The following ADK variants were observed in gnomAD, a reference collection of about 807,000 sequenced individuals.
ADK encodes the protein N6,N6-dimethyladenosine kinase.
Under a neutral mutation model 44.7 loss-of-function variants are expected in ADK, and 24 were observed. The observed-to-expected ratio is 0.54, with a 90% CI of 0.39 to 0.76. The LOEUF is 0.76. ADK is among the 30% of genes least tolerant of loss of function. The pLI is 0.00. For missense variants in ADK, 321 were observed against 425.1 expected (o/e 0.76, Z 2.15); for synonymous variants, 128 against 142.6 (o/e 0.90, Z 0.73).
At chr10:74,347,946 C>A (rs1037327168) in intron 4 of ADK, among the ~76,000 whole-genome samples, 1 of 152,158 alleles carries the variant, frequency 6.6e-6, no homozygotes, top group African/African-American at 2.4e-5. Flanking sequence ...CTCCCATCTC[C>A]CTGGGACAGA....
chr10:74,423,020 G>T (rs1844620249), intron 6 of ADK, among the ~76,000 whole-genome samples: 1 of 152,036 alleles, frequency 6.6e-6, no homozygotes, highest in Admixed American at 6.6e-5. Context: ...CGCCAAACAA[G>T]ATATGGATGT....
intron 6 of ADK, among the ~76,000 whole-genome samples, chr10:74,424,750 A>C (rs746523422): frequency 6.6e-6 from 1 of 151,924 alleles, no homozygotes; most frequent in Non-Finnish European, 1.5e-5. Context: ...ATTTCTTCAG[A>C]TCTATCTTCC....
At chr10:74,609,077 C>G (rs548877130) in intron 9 of ADK, among the ~76,000 whole-genome samples, 2 of 152,160 alleles carry the variant, frequency 1.3e-5, no homozygotes, top group African/African-American at 4.8e-5. Context: ...TAATGGCAGT[C>G]GCCCCTTCCC....
rs754598889 is a variant in ADK, at chr10:74,176,906, C to T, written c.66-23858C>T. On this transcript the variant is annotated intron_variant, in intron 1 of 10. Coordinates refer to ENST00000539909, the MANE Select transcript of ADK (RefSeq NM_006721.4). ...AGTCAGGTAACGAGCGGGCGGCTGCCTTGACTGCTCCGAGCTGGGCGTTAG... is the reference window on the plus strand; with the variant it reads ...AGTCAGGTAACGAGCGGGCGGCTGCTTTGACTGCTCCGAGCTGGGCGTTAG... 2 of 1,610,030 alleles carry T rather than the reference C, an allele frequency of 1.2e-6. No individual in the cohort carries two copies. The highest frequency in any genetic ancestry group is 8.5e-7 in the Non-Finnish European group (1 of 1,179,822).
chr10:74,185,892 G>GA (rs1178187751), intron 1 of ADK, among the ~76,000 whole-genome samples: 1 of 150,386 alleles, frequency 6.6e-6, no homozygotes, highest in Non-Finnish European at 1.5e-5. Flanking sequence ...CTGTTGCCCA[G>GA]GCTGGAGTGC....
At chr10:74,493,680 A>T (rs1347578393) in intron 6 of ADK, among the ~76,000 whole-genome samples, 2 of 151,992 alleles carry the variant, frequency 1.3e-5, no homozygotes, top group Non-Finnish European at 2.9e-5. Flanking sequence ...CTTAGCACAT[A>T]ACTCTTTAAA....
chr10:74,540,304 TTC>T (rs1375508174), intron 7 of ADK, among the ~76,000 whole-genome samples: 1 of 152,148 alleles, frequency 6.6e-6, no homozygotes, highest in East Asian at 1.9e-4. Context: ...AGTAATGCCT[TTC>T]TATTTTATTC....
chr10:74,268,493 A>T (rs1846301822), intron 3 of ADK, among the ~76,000 whole-genome samples: 1 of 152,038 alleles, frequency 6.6e-6, no homozygotes, highest in South Asian at 2.1e-4. Flanking sequence ...AAAATTGTTG[A>T]TACAACTATT....
intron 4 of ADK, among the ~76,000 whole-genome samples, chr10:74,329,727 G>A (rs1021839418): frequency 2.6e-5 from 4 of 152,102 alleles, no homozygotes; most frequent in Non-Finnish European, 5.9e-5. Flanking sequence ...TTAGAAATTA[G>A]AGCTCTGTCA....
intron 9 of ADK, among the ~76,000 whole-genome samples, chr10:74,649,303 C>A (rs1309120582): frequency 1.3e-5 from 2 of 152,128 alleles, no homozygotes; most frequent in Non-Finnish European, 2.9e-5. Flanking sequence ...TTAGAAAATA[C>A]ACTTAATTGC....
chr10:74,286,324 C>T (rs1312600155), intron 3 of ADK, among the ~76,000 whole-genome samples: 2 of 152,180 alleles, frequency 1.3e-5, no homozygotes, highest in African/African-American at 4.8e-5. Context: ...AGCAGTGGGA[C>T]TGCAGGTGCG....
intron 3 of ADK, among the ~76,000 whole-genome samples, chr10:74,240,690 T>C (rs1845176578): frequency 6.6e-6 from 1 of 152,224 alleles, no homozygotes; most frequent in Non-Finnish European, 1.5e-5. Flanking sequence ...AACGTGTCAC[T>C]GTTTCTGTCA....
rs1328321325 is a variant in ADK, at chr10:74,300,317, TCC to T, written c.195-14349_195-14348del. 8.8e-5 allele frequency among the ~76,000 whole-genome samples: 10 copies of T among 113,504 alleles called. 1 individual carries two copies. Among genetic ancestry groups the T allele is most frequent in the South Asian group, 6.3e-4 (2 of 3,200 alleles). 74.5% of individuals were successfully genotyped at this position (113,504 alleles called of 152,430 possible). On this transcript the variant is annotated intron_variant, in intron 3 of 10. Coordinates refer to ENST00000539909, the MANE Select transcript of ADK (RefSeq NM_006721.4). ...TTCCTTCCTTCCTTCCTTCTTTCCTTCCTTCCTTCCTTCCTTCCTTCCTTCCT... is the reference window on the plus strand; with the variant it reads ...TTCCTTCCTTCCTTCCTTCTTTCCTTTTCCTTCCTTCCTTCCTTCCTTCCT...
chr10:74,281,556 C>G (rs1218771349), intron 3 of ADK, among the ~76,000 whole-genome samples: 1 of 152,182 alleles, frequency 6.6e-6, no homozygotes, highest in Admixed American at 6.5e-5. Context: ...AACTTAGGTC[C>G]ATGATCTTGA....
At chr10:74,689,113 G>C (rs1855893084) in intron 10 of ADK, among the ~76,000 whole-genome samples, 1 of 151,870 alleles carries the variant, frequency 6.6e-6, no homozygotes, top group Admixed American at 6.6e-5. Context: ...GCTGGGCGTG[G>C]TGGCGGGCGC....
chr10:74,222,732 A>G (rs1844364673), intron 2 of ADK, among the ~76,000 whole-genome samples: 1 of 152,110 alleles, frequency 6.6e-6, no homozygotes, highest in African/African-American at 2.4e-5. Context: ...GAAATTGGAA[A>G]TCATCATTCT....
At chr10:74,359,558 T>A (rs1472757586) in intron 4 of ADK, among the ~76,000 whole-genome samples, 2 of 152,048 alleles carry the variant, frequency 1.3e-5, no homozygotes, top group Non-Finnish European at 2.9e-5. Flanking sequence ...AATATTTTTT[T>A]AATTAGCTAG....
chr10:74,208,489 A>G (rs944281960), intron 2 of ADK, among the ~76,000 whole-genome samples: 6 of 152,230 alleles, frequency 3.9e-5, no homozygotes, highest in East Asian at 1.9e-4. Flanking sequence ...CTGAAGTTCT[A>G]TTTTATATTT....
intron 3 of ADK, among the ~76,000 whole-genome samples, chr10:74,258,292 G>T (rs1040760752): frequency 7.2e-5 from 11 of 152,016 alleles, no homozygotes; most frequent in Admixed American, 2.0e-4. Flanking sequence ...AGCCTAAAAG[G>T]TCAATATTAA....
Sources: allele counts gnomAD v4.1 joint callset (sites outside exome capture counted in the v4.1 genomes callset), GRCh38; gene constraint gnomAD v4.1.1; transcripts MANE v1.5; gene names NCBI Gene and HGNC (gene_info 2026-07-23, HGNC 2026-07-21).